The following PRPSAP2 variants were observed in gnomAD, a reference collection of about 807,000 sequenced individuals.
The protein encoded by PRPSAP2 is phosphoribosyl pyrophosphate synthase-associated protein 2.
In PRPSAP2, 24 loss-of-function variants were observed where a neutral mutation model predicts 40.6. The observed-to-expected ratio is 0.59, with a 90% CI of 0.43 to 0.83. PRPSAP2 has a LOEUF of 0.83. Among genes scored for constraint, PRPSAP2 ranks in the 40% least tolerant of loss-of-function variants. The pLI is 0.00. For synonymous variants in PRPSAP2, 149 were observed against 164.7 expected, an observed-to-expected ratio of 0.90 and a Z score of 0.73; for missense variants, 292 against 465.6, an observed-to-expected ratio of 0.63 and a Z score of 3.43.
intron 4 of PRPSAP2, among the ~76,000 whole-genome samples, chr17:18,868,381 A>G (rs1214578429): frequency 6.6e-6 from 1 of 152,066 alleles, no homozygotes; most frequent in African/African-American, 2.4e-5. Flanking sequence ...AGGCTGAGGC[A>G]GGAGAATCGC....
chr17:18,909,535 C>G (rs757236488), intron 8 of PRPSAP2, among the ~76,000 whole-genome samples: 55 of 152,148 alleles, frequency 3.6e-4, no homozygotes, highest in Non-Finnish European at 6.6e-4. Flanking sequence ...TGAGCCACTG[C>G]GCCCGGCCTA....
intron 1 of PRPSAP2, among the ~76,000 whole-genome samples, chr17:18,864,156 A>G (rs527707186): frequency 1.3e-5 from 2 of 151,698 alleles, no homozygotes; most frequent in Admixed American, 6.6e-5. Flanking sequence ...GCCTGGCCGT[A>G]TATAATTTTT....
chr17:18,857,291 C>T (rs1325870080), upstream of PRPSAP2, among the ~76,000 whole-genome samples: 1 of 151,860 alleles, frequency 6.6e-6, no homozygotes, highest in African/African-American at 2.4e-5. Context: ...GCTGAGATCG[C>T]GCCGATGCAC....
intron 1 of PRPSAP2, among the ~76,000 whole-genome samples, chr17:18,860,972 A>G (rs2036963518): frequency 6.6e-6 from 1 of 152,226 alleles, no homozygotes; most frequent in Admixed American, 6.5e-5. Context: ...TTTAGAATAA[A>G]CATAAAGCAG....
intron 7 of PRPSAP2, among the ~76,000 whole-genome samples, chr17:18,883,857 C>T (rs188017389): frequency 3.0e-4 from 45 of 152,064 alleles, no homozygotes; most frequent in Non-Finnish European, 5.7e-4. Flanking sequence ...ACAGGGCTTC[C>T]CCATTCTCCA....
chr17:18,877,840 A>G lies in PRPSAP2; in HGVS notation c.382A>G (p.Lys128Glu), dbSNP rs748139895. ...GAGAAAAAGAGGCTCCATTGTCTCT[A>G]AATTGCTGGCTTCCATGATGTGCAA... ...KMRKRGSIVS[K>E]LLASMMCKAG... Residue 128 changes from lysine to glutamate, a missense_variant, in exon 6 of 12, where the codon AAA (lysine) becomes GAA (glutamate). Transcript: ENST00000268835. 1.9e-6 allele frequency: 3 copies of G among 1,612,690 alleles called. No homozygotes were observed. Among genetic ancestry groups the G allele is most frequent in the Non-Finnish European group, 2.5e-6 (3 of 1,179,510 alleles).
intron 9 of PRPSAP2, 29 bp from the exon 10 acceptor site, chr17:18,923,884 AT>A: frequency 6.4e-7 from 1 of 1,564,276 alleles, no homozygotes; most frequent in Non-Finnish European, 8.7e-7. Context: ...TAATATAAAA[AT>A]TTTGGTGTGT....
At chr17:18,868,216 G>A (rs2037569673) in intron 4 of PRPSAP2, among the ~76,000 whole-genome samples, 2 of 151,932 alleles carry the variant, frequency 1.3e-5, no homozygotes, top group African/African-American at 4.8e-5. Context: ...GCTCACGCCT[G>A]TAATCCCAGC....
intron 9 of PRPSAP2, among the ~76,000 whole-genome samples, chr17:18,918,854 T>G (rs55673732): frequency 0.072 from 10,988 of 152,284 alleles, 418 homozygotes; most frequent in Middle Eastern, 0.085. Context: ...TAGTGAAGTT[T>G]TATTGACTCT....
At chr17:18,908,408 CT>C in intron 8 of PRPSAP2, 3 of 761,362 alleles carry the variant, frequency 3.9e-6, no homozygotes. Flanking sequence ...AGATGAAGAA[CT>C]TTTAAAAATG....
chr17:18,928,201 G>A (rs551883617), intron 10 of PRPSAP2: 1 of 157,848 alleles, frequency 6.3e-6, no homozygotes, highest in East Asian at 1.8e-4. Flanking sequence ...ATGCCATAAT[G>A]GGTTTAAAAT....
chr17:18,901,076 C>A (rs2040239459), intron 8 of PRPSAP2, among the ~76,000 whole-genome samples: 1 of 152,182 alleles, frequency 6.6e-6, no homozygotes, highest in African/African-American at 2.4e-5. Flanking sequence ...AACCTTTACT[C>A]ATGCGGCGGA....
intron 9 of PRPSAP2, among the ~76,000 whole-genome samples, chr17:18,915,385 T>C (rs1362927709): frequency 1.3e-5 from 2 of 152,188 alleles, no homozygotes; most frequent in Non-Finnish European, 2.9e-5. Context: ...TCTAAGAAGA[T>C]TGAGGCTTTC....
At chr17:18,861,104 T>G (rs1034495220) in intron 1 of PRPSAP2, among the ~76,000 whole-genome samples, 6 of 152,182 alleles carry the variant, frequency 3.9e-5, no homozygotes, top group African/African-American at 1.4e-4. Context: ...TTTATAACTC[T>G]TTTCTTGAAG....
At position 18,883,422 on chromosome 17, in the gene PRPSAP2, G is replaced by T. The variant is rs538388773; in HGVS notation, c.528+739G>T. On this transcript the variant is annotated intron_variant, in intron 7 of 11. Coordinates refer to ENST00000268835, the MANE Select transcript of PRPSAP2 (RefSeq NM_002767.4). ...TTCTTTCTTTTTTTTTTTTTTTGGTGGGGGGTGTGATGGAGTCACTCCCAG... is the reference window on the plus strand; with the variant it reads ...TTCTTTCTTTTTTTTTTTTTTTGGTTGGGGGTGTGATGGAGTCACTCCCAG... 7.0e-4 allele frequency among the ~76,000 whole-genome samples: 91 copies of T among 129,158 alleles called. 2 individuals carry two copies. In the East Asian group the frequency reaches 9.6e-3, roughly 14 times the overall value. 84.7% of individuals were successfully genotyped at this position (129,158 alleles called of 152,430 possible). A position where few individuals can be genotyped will look rare whatever the true frequency, so the allele number is the denominator to read the frequency against.
intron 8 of PRPSAP2, among the ~76,000 whole-genome samples, chr17:18,892,795 C>A (rs143151514): frequency 6.7e-6 from 1 of 149,924 alleles, no homozygotes; most frequent in Non-Finnish European, 1.5e-5. Context: ...AGTGCAGTGG[C>A]GCGATCTCGG....
In PRPSAP2 at chr17:18,930,660, A is replaced by G. The variant is rs770710589; in HGVS notation, c.1072A>G (p.Met358Val). Residue 358 changes from methionine to valine, a missense_variant, in exon 12 of 12, where the codon ATG (methionine) becomes GTG (valine). This residue lies in a region of PRPSAP2 where 241 missense variants were observed against 425.7 expected (regional missense o/e 0.57). Transcript: ENST00000268835. ...AIRRIHNGESMSYLFRNIGLD... is the reference protein window; with the variant it reads ...AIRRIHNGESVSYLFRNIGLD... ...CCGTCGGATCCACAATGGGGAGTCC[A>G]TGTCCTACCTTTTCAGAAACATAGG... 3 of 1,613,686 alleles carry G rather than the reference A, an allele frequency of 1.9e-6. No individual in the cohort carries two copies. Among genetic ancestry groups the G allele is most frequent in the Admixed American group, 1.7e-5 (1 of 59,974 alleles).
At chr17:18,899,529 T>G (rs2040137042) in intron 8 of PRPSAP2, among the ~76,000 whole-genome samples, 2 of 139,092 alleles carry the variant, frequency 1.4e-5, no homozygotes, top group African/African-American at 5.3e-5. Context: ...GTTTTTTTTT[T>G]TTTTTTTTTT....
chr17:18,870,005 G>T (rs191756323), intron 4 of PRPSAP2, among the ~76,000 whole-genome samples: 1 of 151,784 alleles, frequency 6.6e-6, no homozygotes, highest in African/African-American at 2.4e-5. Flanking sequence ...GTGCCAGCAC[G>T]CCCGGCTAAT....
Sources: gnomAD v4.1 joint callset for allele counts (sites outside exome capture counted in the v4.1 genomes callset) on GRCh38, gnomAD v4.1.1 for gene constraint, gnomAD v4.1.1 regional missense constraint, MANE v1.5 for transcripts, NCBI Gene and HGNC (gene_info 2026-07-23, HGNC 2026-07-21) for gene names.